The following PHACTR1 variants were observed in gnomAD, a reference collection of about 807,000 sequenced individuals.
PHACTR1 encodes the protein phosphatase and actin regulator 1.
In PHACTR1, 16 loss-of-function variants were observed where a neutral mutation model predicts 69.2. That is an observed-to-expected ratio of 0.23 (90% confidence interval 0.16 to 0.35). The LOEUF is 0.35. Among genes scored for constraint, PHACTR1 ranks in the 10% least tolerant of loss-of-function variants. The pLI is 1.00. For synonymous variants in PHACTR1, 312 were observed against 284.5 expected, an observed-to-expected ratio of 1.10 and a Z score of -0.97; for missense variants, 510 against 734.7, an observed-to-expected ratio of 0.69 and a Z score of 3.54.
At chr6:13,205,628 G>T (rs1765792134) in intron 7 of PHACTR1, among the ~76,000 whole-genome samples, 187 bp from the exon 8 acceptor site, 1 of 152,188 alleles carries the variant, frequency 6.6e-6, no homozygotes, top group South Asian at 2.1e-4. Context: ...AGTGCACTTG[G>T]AGTAGGAAAC....
At chr6:13,190,089 T>C (rs954063479) in intron 7 of PHACTR1, among the ~76,000 whole-genome samples, 3 of 150,604 alleles carry the variant, frequency 2.0e-5, no homozygotes, top group Non-Finnish European at 4.4e-5. Context: ...AGTGGCATGA[T>C]CTTGGCTCCC....
chr6:12,969,145 A>G (rs940629475), intron 4 of PHACTR1, among the ~76,000 whole-genome samples: 1 of 152,224 alleles, frequency 6.6e-6, no homozygotes, highest in African/African-American at 2.4e-5. Context: ...ACTTGGGCAT[A>G]GGTATTTTTA....
At chr6:12,747,126 G>A (rs551933770) in intron 3 of PHACTR1, among the ~76,000 whole-genome samples, 1 of 152,202 alleles carries the variant, frequency 6.6e-6, no homozygotes, top group South Asian at 2.1e-4. Flanking sequence ...AGTGATAAAC[G>A]GGAAATAATA....
At chr6:13,046,051 T>A (rs973005797) in intron 4 of PHACTR1, among the ~76,000 whole-genome samples, 1 of 152,126 alleles carries the variant, frequency 6.6e-6, no homozygotes, top group East Asian at 1.9e-4. Flanking sequence ...TTGCAAGCAA[T>A]AAGATTGATA....
chr6:13,133,486 G>T (rs1258563435), intron 5 of PHACTR1, among the ~76,000 whole-genome samples: 3 of 151,942 alleles, frequency 2.0e-5, no homozygotes, highest in Non-Finnish European at 2.9e-5. Context: ...TGGTGGAGAC[G>T]GGGTTTCGCC....
intron 4 of PHACTR1, among the ~76,000 whole-genome samples, chr6:12,985,985 G>A (rs4711897): frequency 0.24 from 35,686 of 151,686 alleles, 4,836 homozygotes; most frequent in African/African-American, 0.37. Context: ...ACAGGCACCT[G>A]CCACCATGCC....
intron 4 of PHACTR1, among the ~76,000 whole-genome samples, chr6:12,988,938 T>C (rs1446754362): frequency 1.3e-5 from 2 of 152,242 alleles, no homozygotes; most frequent in Non-Finnish European, 2.9e-5. Context: ...GTAAAGCTCC[T>C]ATACATTTTT....
At chr6:12,811,385 T>C (rs1370185726) in intron 4 of PHACTR1, among the ~76,000 whole-genome samples, 1 of 152,222 alleles carries the variant, frequency 6.6e-6, no homozygotes, top group Non-Finnish European at 1.5e-5. Context: ...TATAGTTTCA[T>C]TGCTGAAAAT....
intron 5 of PHACTR1, among the ~76,000 whole-genome samples, chr6:13,152,328 C>A (rs979349711): frequency 8.0e-5 from 12 of 150,908 alleles, no homozygotes; most frequent in Admixed American, 6.6e-5. Context: ...AGCAAGACTC[C>A]GTCTCAAAAA....
At chr6:13,235,356 AG>A (rs2127355689) in intron 10 of PHACTR1, among the ~76,000 whole-genome samples, 1 of 152,316 alleles carries the variant, frequency 6.6e-6, no homozygotes, top group South Asian at 2.1e-4. Flanking sequence ...TATTCCCACC[AG>A]AGTAATGTTC....
intron 12 of PHACTR1, chr6:13,280,660 A>G (rs1030900981): frequency 3.2e-6 from 1 of 316,780 alleles, no homozygotes; most frequent in Non-Finnish European, 6.2e-6. Context: ...ATAGCAACAG[A>G]CCAGTCATTT....
At chr6:13,194,755 C>T (rs989681708) in intron 7 of PHACTR1, among the ~76,000 whole-genome samples, 54 of 152,280 alleles carry the variant, frequency 3.5e-4, no homozygotes, top group Non-Finnish European at 6.6e-4. Context: ...AAAATGTCAT[C>T]CCATGAATAT....
chr6:12,862,342 G>A (rs1303308828), intron 4 of PHACTR1, among the ~76,000 whole-genome samples: 1 of 152,140 alleles, frequency 6.6e-6, no homozygotes, highest in African/African-American at 2.4e-5. Context: ...TTGAGCACAG[G>A]GGATCTTACT....
intron 8 of PHACTR1, among the ~76,000 whole-genome samples, chr6:13,219,203 A>G (rs1768211382): frequency 6.6e-6 from 1 of 152,024 alleles, no homozygotes. Flanking sequence ...GTCTCTTTTC[A>G]GTGTTTCTTG....
chr6:12,875,231 T>A (rs1051707511), intron 4 of PHACTR1, among the ~76,000 whole-genome samples: 1 of 152,208 alleles, frequency 6.6e-6, no homozygotes, highest in Non-Finnish European at 1.5e-5. Context: ...GGCGTGCATG[T>A]TACAATTTAT....
intron 4 of PHACTR1, among the ~76,000 whole-genome samples, chr6:12,947,062 C>T (rs1417403184): frequency 1.3e-5 from 2 of 151,772 alleles, no homozygotes; most frequent in Non-Finnish European, 2.9e-5. Context: ...CCACCCGCCT[C>T]GGCCTCCGAA....
At chr6:12,923,051 T>G (rs561969416) in intron 4 of PHACTR1, among the ~76,000 whole-genome samples, 1 of 152,320 alleles carries the variant, frequency 6.6e-6, no homozygotes, top group African/African-American at 2.4e-5. Flanking sequence ...AAATCCCCCA[T>G]GCAATTTTGA....
At chr6:12,860,195 C>T (rs1159689738) in intron 4 of PHACTR1, among the ~76,000 whole-genome samples, 2 of 152,058 alleles carry the variant, frequency 1.3e-5, no homozygotes, top group African/African-American at 2.4e-5. Flanking sequence ...ATATTCCCCT[C>T]GGTGCCCATA....
chr6:13,045,908 G>A lies in PHACTR1; in HGVS notation c.251-7457G>A, dbSNP rs117489082. Among the ~76,000 whole-genome samples, 59 of 152,314 alleles carry A rather than the reference G, an allele frequency of 3.9e-4. 1 individual carries two copies. The East Asian group carries it at 0.011, about 29-fold the overall frequency. ...AAAGGAGGAAGTTGGCCAAGAGCCTGAGCAAATCTGCTGAGAAGTTTGGGT... is the reference window on the plus strand; with the variant it reads ...AAAGGAGGAAGTTGGCCAAGAGCCTAAGCAAATCTGCTGAGAAGTTTGGGT... On this transcript the variant is annotated intron_variant, in intron 4 of 14. Coordinates refer to ENST00000332995, the MANE Select transcript of PHACTR1 (RefSeq NM_030948.6).
Sources: allele counts gnomAD v4.1 joint callset (sites outside exome capture counted in the v4.1 genomes callset), GRCh38; gene constraint gnomAD v4.1.1; transcripts MANE v1.5; gene names NCBI Gene and HGNC (gene_info 2026-07-23, HGNC 2026-07-21).